The following NINL variants were observed in gnomAD, a reference collection of about 807,000 sequenced individuals.
NINL encodes the protein ninein-like protein.
A neutral mutation model predicts 160.3 loss-of-function variants in NINL; 153 were observed. That is an observed-to-expected ratio of 0.95 (90% confidence interval 0.84 to 1.09). The LOEUF (loss-of-function observed/expected upper bound fraction) is 1.09. NINL is among the 50% of genes least tolerant of loss of function. The pLI is 0.00. For synonymous variants in NINL, 800 were observed against 734.8 expected (o/e 1.09, Z -1.43); for missense variants, 1,829 against 1,764.0 (o/e 1.04, Z -0.66).
Position 25,554,660 on chromosome 20 carries a change from A to C in NINL, c.-11-28062T>G, listed in dbSNP as rs190355333. 6.8e-3 allele frequency among the ~76,000 whole-genome samples: 946 copies of C among 139,626 alleles called. 11 individuals are homozygous for C. Among genetic ancestry groups the C allele is most frequent in the Non-Finnish European group, 9.2e-3 (599 of 64,792 alleles). The allele number at this position is 139,626 out of a possible 152,430, so 91.6% of individuals were successfully genotyped here. On this transcript the variant is annotated intron_variant, in intron 1 of 23. Transcript: ENST00000278886. The stretch of plus-strand genomic sequence containing the variant: ...ACAAAAAAAAAAAAAAAAAAAAATT[A>C]GCTAGGTGTGGTGATGGGGGTCTGT...
chr20:25,575,415 C>G (rs898529878), intron 1 of NINL, among the ~76,000 whole-genome samples: 1 of 143,532 alleles, frequency 7.0e-6, no homozygotes, highest in East Asian at 2.1e-4. Context: ...CCACTACACT[C>G]CAGCCTGGGC....
At chr20:25,542,323 C>T (rs12480853) in intron 1 of NINL, among the ~76,000 whole-genome samples, 36,741 of 151,940 alleles carry the variant, frequency 0.24, 4,838 homozygotes, top group East Asian at 0.57. Flanking sequence ...AGAACAGAAA[C>T]TTCAGTCACT....
chr20:25,458,471 C>T lies in NINL; in HGVS notation c.3755G>A (p.Arg1252Gln), dbSNP rs747375078. 63 of 1,603,582 alleles carry T rather than the reference C, an allele frequency of 3.9e-5. No individual in the cohort carries two copies. The highest frequency in any genetic ancestry group is 3.5e-4 in the South Asian group (32 of 91,002). Residue 1252 changes from arginine (R) to glutamine (Q), a missense_variant, in exon 22 of 24, where the codon CGG (arginine) becomes CAG (glutamine). Arg to Gln is a conservative substitution (Grantham distance 43). Transcript: ENST00000278886. ...QAQAQHLQEV[R>Q]LVPQDRVAEL... ...GGCCACACGGTCCTGGGGCACCAGC[C>T]GGACCTCCTGCAAGTGCTGGGCCTG...
intron 5 of NINL, among the ~76,000 whole-genome samples, 189 bp downstream of exon 5, chr20:25,510,485 G>A (rs144709460): frequency 3.6e-4 from 55 of 152,338 alleles, no homozygotes; most frequent in Admixed American, 1.7e-3. Flanking sequence ...ACCGAGTGAC[G>A]GCCTCACTGC....
chr20:25,459,151 A>C (rs181042610), intron 21 of NINL, among the ~76,000 whole-genome samples: 6 of 152,210 alleles, frequency 3.9e-5, no homozygotes, highest in Admixed American at 6.5e-5. Context: ...TTGGCACCCT[A>C]TAAGAACTGG....
Position 25,519,989 on chromosome 20 carries a change from C to CAAAAAAAAAAAAAAAAAAAA in NINL, c.181-2160_181-2141dup, listed in dbSNP as rs59160061. ...TGGGTGACGAAGTGAGACCCCGTCT[C>CAAAAAAAAAAAAAAAAAAAA]AAAAAAAAAAAAAAAAAAAAAAAAA... On this transcript the variant is annotated intron_variant, in intron 2 of 23. Coordinates refer to ENST00000278886, the MANE Select transcript of NINL (RefSeq NM_025176.6). 1.6e-4 allele frequency among the ~76,000 whole-genome samples: 2 copies of CAAAAAAAAAAAAAAAAAAAA among 12,128 alleles called. 1 individual carries two copies. Among genetic ancestry groups the CAAAAAAAAAAAAAAAAAAAA allele is most frequent in the Non-Finnish European group, 4.1e-4 (2 of 4,832 alleles). 8.0% of individuals were successfully genotyped at this position (12,128 alleles called of 152,430 possible). A position where few individuals can be genotyped will look rare whatever the true frequency, so the allele number is the denominator to read the frequency against.
At chr20:25,513,492 GC>G (rs1266970633) in intron 3 of NINL, among the ~76,000 whole-genome samples, 1 of 152,180 alleles carries the variant, frequency 6.6e-6, no homozygotes, top group East Asian at 1.9e-4. Flanking sequence ...GTCATCATGA[GC>G]CTTATTAACA....
chr20:25,567,253 G>A (rs968205672), intron 1 of NINL, among the ~76,000 whole-genome samples: 1 of 152,228 alleles, frequency 6.6e-6, no homozygotes, highest in South Asian at 2.1e-4. Flanking sequence ...AGGGGTGGTA[G>A]AGTGGAGGAA....
intron 1 of NINL, among the ~76,000 whole-genome samples, chr20:25,536,392 G>GA (rs1189388873): frequency 6.6e-6 from 1 of 152,104 alleles, no homozygotes; most frequent in East Asian, 1.9e-4. Context: ...GGAGCATTTG[G>GA]AAAAAATAAG....
chr20:25,484,488 C>T (rs1255133753), intron 13 of NINL, among the ~76,000 whole-genome samples: 1 of 152,182 alleles, frequency 6.6e-6, no homozygotes, highest in African/African-American at 2.4e-5. Flanking sequence ...AAACATTTGA[C>T]AAAACAAGGC....
chr20:25,561,650 A>C (rs1600346136), intron 1 of NINL, among the ~76,000 whole-genome samples: 2 of 123,452 alleles, frequency 1.6e-5, no homozygotes, highest in African/African-American at 3.2e-5. Context: ...CCAGCCGCCC[A>C]TCGTCTGAGA....
At chr20:25,496,423 C>T (rs926887334) in intron 10 of NINL, among the ~76,000 whole-genome samples, 1 of 152,252 alleles carries the variant, frequency 6.6e-6, no homozygotes, top group African/African-American at 2.4e-5. Context: ...GGAGGCAGGA[C>T]CTCCTCGGCC....
At chr20:25,499,075 C>T (rs1278078002) in intron 8 of NINL, 1 of 985,364 alleles carries the variant, frequency 1.0e-6, no homozygotes, top group Non-Finnish European at 1.2e-6. Flanking sequence ...GCGGCAGGCA[C>T]CATGGCAGGG....
At chr20:25,497,004 A>AG (rs1316298498) in intron 9 of NINL, among the ~76,000 whole-genome samples, 1 of 152,178 alleles carries the variant, frequency 6.6e-6, no homozygotes, top group Non-Finnish European at 1.5e-5. Flanking sequence ...ACTGAGAGAG[A>AG]GGGGCCACGT....
At chr20:25,466,811 C>T (rs2062925590) in intron 19 of NINL, among the ~76,000 whole-genome samples, 1 of 151,680 alleles carries the variant, frequency 6.6e-6, no homozygotes, top group African/African-American at 2.4e-5. Context: ...AAAAAAACCC[C>T]CAAAATTTGG....
chr20:25,547,635 T>C lies in NINL; in HGVS notation c.-11-21037A>G, dbSNP rs73597815. Reference sequence around the variant, plus strand: ...ATTACGTGGTGTGGAAAGACCACGTTTGGTGTTAGAAGTGTTCTGCTGAGT... The same window carrying C: ...ATTACGTGGTGTGGAAAGACCACGTCTGGTGTTAGAAGTGTTCTGCTGAGT... On this transcript the variant is annotated intron_variant, in intron 1 of 23. Coordinates refer to ENST00000278886, the MANE Select transcript of NINL (RefSeq NM_025176.6). Among the ~76,000 whole-genome samples the C allele has an allele frequency of 1.7e-3, 260 of 152,224 alleles. 4 individuals carry two copies. The East Asian group carries it at 0.043, about 25-fold the overall frequency.
At chr20:25,565,674 C>A (rs780465295) in intron 1 of NINL, among the ~76,000 whole-genome samples, 1 of 152,078 alleles carries the variant, frequency 6.6e-6, no homozygotes, top group Non-Finnish European at 1.5e-5. Flanking sequence ...ACGTAGAAAC[C>A]CGCTAGGGCA....
intron 17 of NINL, among the ~76,000 whole-genome samples, chr20:25,472,423 A>G (rs1316115539): frequency 2.1e-5 from 3 of 144,962 alleles, no homozygotes; most frequent in Admixed American, 1.4e-4. Flanking sequence ...CTGGAGTGCA[A>G]TGGCGCGATC....
chr20:25,559,204 G>A (rs748889320), intron 1 of NINL, among the ~76,000 whole-genome samples: 3 of 152,154 alleles, frequency 2.0e-5, no homozygotes, highest in Non-Finnish European at 4.4e-5. Flanking sequence ...ATTGGCTTGG[G>A]ATAAGGCAGT....
Sources: gnomAD v4.1 joint callset for allele counts (sites outside exome capture counted in the v4.1 genomes callset) on GRCh38, gnomAD v4.1.1 for gene constraint, MANE v1.5 for transcripts, NCBI Gene and HGNC (gene_info 2026-07-23, HGNC 2026-07-21) for gene names.